Variants in C8B observed in about 807,000 individuals in gnomAD.
The protein encoded by C8B is complement C8 beta chain, also known as complement component C8 beta chain.
A neutral mutation model predicts 64.6 loss-of-function variants in C8B; 67 were observed. The observed-to-expected ratio is 1.04, with a 90% CI of 0.85 to 1.27. C8B has a LOEUF of 1.27. Among genes scored for constraint, C8B ranks in the 50% most tolerant of loss-of-function variants. The pLI is 0.00. For missense variants in C8B, 790 were observed against 725.2 expected (o/e 1.09, Z -1.03); for synonymous variants, 284 against 257.7 (o/e 1.10, Z -0.98).
At chr1:56,942,007 A>G (rs905156018) in intron 8 of C8B, among the ~76,000 whole-genome samples, 2 of 152,234 alleles carry the variant, frequency 1.3e-5, no homozygotes, top group African/African-American at 2.4e-5. Flanking sequence ...GATACTCTGC[A>G]TCCGTGTAAA....
At chr1:56,965,360 T>A (rs1481816217) in intron 1 of C8B, among the ~76,000 whole-genome samples, 2 of 149,000 alleles carry the variant, frequency 1.3e-5, no homozygotes, top group African/African-American at 2.5e-5. Flanking sequence ...ATTTAACTGC[T>A]GGGAACCTTG....
intron 1 of C8B, 63 bp from the exon 2 acceptor site, chr1:56,960,239 A>C: frequency 7.0e-7 from 1 of 1,433,984 alleles, no homozygotes; most frequent in Non-Finnish European, 9.8e-7. Context: ...ACATCCAACC[A>C]TCTATTTGTA....
Position 56,940,848 on chromosome 1 carries a change from C to A in C8B, c.1398+1G>T, listed in dbSNP as rs1570379958. 3 of 1,613,754 alleles carry A rather than the reference C, an allele frequency of 1.9e-6. No homozygotes were observed. The highest frequency in any genetic ancestry group is 1.3e-5 in the African/African-American group (1 of 74,828). On this transcript the variant is annotated splice_donor_variant, in intron 9 of 11. Transcript: ENST00000371237. LOFTEE classifies it high-confidence loss of function. ...AGGATGGGTAGAGCAGCGTTGTGTA[C>A]CTTAACTTTGATGATGGCTGGGTTG...
intron 8 of C8B, 124 bp downstream of exon 8, chr1:56,943,572 G>T: frequency 9.1e-7 from 1 of 1,104,180 alleles, no homozygotes; most frequent in Non-Finnish European, 1.4e-6. Flanking sequence ...AAAACAGAAG[G>T]ACATAGTTGG....
At chr1:56,963,112 G>C (rs574949021) in intron 1 of C8B, among the ~76,000 whole-genome samples, 1 of 152,290 alleles carries the variant, frequency 6.6e-6, no homozygotes, top group African/African-American at 2.4e-5. Flanking sequence ...TCTACTTAAG[G>C]ACTGGCAAGG....
chr1:56,941,327 ATAGG>A, intron 8 of C8B, among the ~76,000 whole-genome samples: 1 of 152,314 alleles, frequency 6.6e-6, no homozygotes, highest in African/African-American at 2.4e-5. Context: ...TAAATAGATA[ATAGG>A]TAGGTAGATA....
In C8B at chr1:56,940,921, C is replaced by T. The variant is rs1557730784; in HGVS notation, c.1326G>A (p.Glu442=). 2 of 1,614,116 alleles carry T rather than the reference C, an allele frequency of 1.2e-6. No individual in the cohort carries two copies. Among genetic ancestry groups the T allele is most frequent in the East Asian group, 2.2e-5 (1 of 44,854 alleles). ...SEHITTLAYQ[E]LPTADLMQEW... Reference sequence around the variant, plus strand: ...CCTGCATCAGGTCCGCCGTCGGCAGCTCCTGGTATGCCAGGGTGGTGATGT... The same window carrying T: ...CCTGCATCAGGTCCGCCGTCGGCAGTTCCTGGTATGCCAGGGTGGTGATGT... Residue 442 remains glutamate (E), a synonymous_variant, in exon 9 of 12, where the codon GAG becomes GAA. Coordinates refer to ENST00000371237, the MANE Select transcript of C8B (RefSeq NM_000066.4).
In C8B at chr1:56,956,906, C is replaced by A; in HGVS notation, c.254G>T (p.Arg85Met). 6.2e-7 allele frequency: 1 copy of A among 1,614,048 alleles called. No homozygotes were observed. Among genetic ancestry groups the A allele is most frequent in the Non-Finnish European group, 8.5e-7 (1 of 1,179,982 alleles). ...AGAGGGCTGGAGCAAGTAGGCATAC[C>A]TGTACTGTAGCAGAGAGGAGCCAGG... ...TCDPCQKKRYRYAYLLQPSQF... is the reference protein window; with the variant it reads ...TCDPCQKKRYMYAYLLQPSQF... Residue 85 changes from arginine to methionine, a missense_variant, in exon 3 of 12, where the codon AGG (arginine) becomes ATG (methionine). Transcript: ENST00000371237.
At chr1:56,961,527 T>G (rs756212080) in intron 1 of C8B, among the ~76,000 whole-genome samples, 1 of 152,162 alleles carries the variant, frequency 6.6e-6, no homozygotes, top group Non-Finnish European at 1.5e-5. Flanking sequence ...CTAGAGTATA[T>G]ACGGGTTTTG....
At chr1:56,961,112 G>C (rs1036918373) in intron 1 of C8B, among the ~76,000 whole-genome samples, 3 of 152,204 alleles carry the variant, frequency 2.0e-5, no homozygotes, top group Admixed American at 6.5e-5. Flanking sequence ...ATTGGGTTAT[G>C]AGTGGATGAA....
At chr1:56,965,575 G>T (rs557605950) in intron 1 of C8B, among the ~76,000 whole-genome samples, 1 of 152,026 alleles carries the variant, frequency 6.6e-6, no homozygotes, top group Non-Finnish European at 1.5e-5. Context: ...AGAATCACAC[G>T]GAGGCTTTGT....
At chr1:56,949,982 G>C (rs1644997759) in intron 5 of C8B, among the ~76,000 whole-genome samples, 1 of 152,092 alleles carries the variant, frequency 6.6e-6, no homozygotes, top group African/African-American at 2.4e-5. Context: ...TTTTTGATTT[G>C]TATTTCAACT....
chr1:56,945,960 C>T lies in C8B; in HGVS notation c.966G>A (p.Lys322=), dbSNP rs369652003. The change falls in exon 7 of 12, where the codon AAG becomes AAA. Residue 322 remains lysine, a synonymous_variant. Transcript: ENST00000371237. ...CGTAGCTGTACTCCAGGGGCAGCCG[C>T]TTAACTCTCTGAAGGAACTCGTAAT... is the stretch of plus-strand genomic sequence containing the variant. ...MLHYEFLQRV[K]RLPLEYSYGE... is the part of the protein sequence containing the mutation. 1.3e-3 allele frequency: 2,164 copies of T among 1,614,150 alleles called. 30 individuals carry two copies. In the South Asian group the frequency reaches 0.022, roughly 17 times the overall value.
chr1:56,930,091 AAATGGATG>A (rs1399998122), intron 11 of C8B, among the ~76,000 whole-genome samples: 2 of 152,224 alleles, frequency 1.3e-5, no homozygotes, highest in Non-Finnish European at 2.9e-5. Flanking sequence ...AACATGTGTT[AAATGGATG>A]AATGGATGAA....
intron 10 of C8B, among the ~76,000 whole-genome samples, chr1:56,932,688 C>T (rs1288616177): frequency 1.3e-5 from 2 of 152,174 alleles, no homozygotes; most frequent in Admixed American, 6.5e-5. Flanking sequence ...TCCTCAATCC[C>T]AGTCTGGCAA....
chr1:56,930,882 T>C (rs1386656151), intron 11 of C8B, among the ~76,000 whole-genome samples: 1 of 152,188 alleles, frequency 6.6e-6, no homozygotes, highest in Non-Finnish European at 1.5e-5. Flanking sequence ...TTTATATGCC[T>C]CCTTACAAAG....
intron 9 of C8B, among the ~76,000 whole-genome samples, chr1:56,933,996 C>T (rs1339255066): frequency 6.6e-6 from 1 of 152,168 alleles, no homozygotes; most frequent in Non-Finnish European, 1.5e-5. Flanking sequence ...TCATTCCCAT[C>T]CTGCAAGAGT....
At chr1:56,959,641 T>C in intron 2 of C8B, 3 of 1,535,026 alleles carry the variant, frequency 2.0e-6, no homozygotes, top group Non-Finnish European at 1.7e-6. Flanking sequence ...TCGAAAACCA[T>C]GATCCTGGAC....
chr1:56,963,069 C>G (rs948878148), intron 1 of C8B, among the ~76,000 whole-genome samples: 1 of 152,180 alleles, frequency 6.6e-6, no homozygotes, highest in Non-Finnish European at 1.5e-5. Context: ...CTACAGTAAA[C>G]GCCCTTGCTC....
Sources: allele counts gnomAD v4.1 joint callset (sites outside exome capture counted in the v4.1 genomes callset), GRCh38; gene constraint gnomAD v4.1.1; transcripts MANE v1.5; gene names NCBI Gene and HGNC (gene_info 2026-07-23, HGNC 2026-07-21).